Variants in CRYBA4 observed in about 807,000 individuals in gnomAD.
The protein encoded by CRYBA4 is beta-crystallin A4.
Under a neutral mutation model 31.7 loss-of-function variants are expected in CRYBA4, and 30 were observed. The observed-to-expected ratio is 0.95, with a 90% confidence interval of 0.71 to 1.28. CRYBA4 has a LOEUF of 1.28. CRYBA4 is among the 50% of genes most tolerant of loss of function. The pLI is 0.00. For synonymous variants in CRYBA4, 102 were observed against 102.3 expected (o/e 1.00, Z 0.02); for missense variants, 225 against 260.7 (o/e 0.86, Z 0.94).
the CRYBA4 span, among the ~76,000 whole-genome samples, chr22:26,614,077 AC>A: frequency 5.3e-5 from 8 of 152,130 alleles, no homozygotes; most frequent in Admixed American, 3.9e-4. Flanking sequence ...TGATCTCAAA[AC>A]CCTGTCTCCT....
At chr22:26,617,701 G>C (rs1465332227), upstream of CRYBA4, among the ~76,000 whole-genome samples, 1 of 151,034 alleles carries the variant, frequency 6.6e-6, no homozygotes, top group Non-Finnish European at 1.5e-5. Context: ...CTCCCTCTCT[G>C]TTCCTCTCTC....
chr22:26,618,756 C>T (rs1193975138), upstream of CRYBA4, among the ~76,000 whole-genome samples: 1 of 152,218 alleles, frequency 6.6e-6, no homozygotes, highest in East Asian at 1.9e-4. Context: ...GCCCCCTGGC[C>T]TGACTTCCTC....
In CRYBA4 at chr22:26,622,152, C is replaced by G. The variant is rs149927697; in HGVS notation, c.-13+166C>G. On this transcript the variant is annotated intron_variant, in intron 1 of 5. Coordinates refer to ENST00000354760, the MANE Select transcript of CRYBA4 (RefSeq NM_001886.3). Reference sequence around the variant, plus strand: ...AACCATCAAGACCAGCACCTGCTTCCCTCATTTAAAAACAAATTATTCCTG... The same window carrying G: ...AACCATCAAGACCAGCACCTGCTTCGCTCATTTAAAAACAAATTATTCCTG... Among the ~76,000 whole-genome samples, 1,505 of 152,178 alleles carry G rather than the reference C, an allele frequency of 9.9e-3. 35 individuals are homozygous for G. Among genetic ancestry groups the G allele is most frequent in the African/African-American group, 0.035 (1,446 of 41,510 alleles).
chr22:26,619,461 G>A (rs985998638), upstream of CRYBA4, among the ~76,000 whole-genome samples: 1 of 152,178 alleles, frequency 6.6e-6, no homozygotes, highest in Admixed American at 6.5e-5. Flanking sequence ...GGAGCCTGGG[G>A]AGCTGCTCAG....
At chr22:26,604,919 C>A in the CRYBA4 span, among the ~76,000 whole-genome samples, 1 of 152,154 alleles carries the variant, frequency 6.6e-6, no homozygotes, top group Non-Finnish European at 1.5e-5. Flanking sequence ...CCTATGAGAC[C>A]CTACAAGACC....
the CRYBA4 span, among the ~76,000 whole-genome samples, chr22:26,614,591 C>A: frequency 6.6e-6 from 1 of 152,124 alleles, no homozygotes; most frequent in South Asian, 2.1e-4. Context: ...GAATGAATGG[C>A]CGGCAGTCAT....
upstream of CRYBA4, among the ~76,000 whole-genome samples, chr22:26,618,341 G>C (rs941620484): frequency 1.3e-5 from 2 of 152,224 alleles, no homozygotes; most frequent in Non-Finnish European, 1.5e-5. Context: ...GAGACCCTGG[G>C]AGGCAGGAGA....
the CRYBA4 span, among the ~76,000 whole-genome samples, chr22:26,606,093 G>C: frequency 6.6e-6 from 1 of 152,168 alleles, no homozygotes; most frequent in Non-Finnish European, 1.5e-5. Context: ...AATTCTTCCA[G>C]CGTGGGCCAG....
At chr22:26,595,382 G>A in the CRYBA4 span, among the ~76,000 whole-genome samples, 72 of 152,094 alleles carry the variant, frequency 4.7e-4, no homozygotes, top group Non-Finnish European at 8.2e-4. Context: ...TTCGAGACCA[G>A]CCTGACCAAC....
At chr22:26,596,686 C>T in the CRYBA4 span, 1 of 152,182 alleles carries the variant, frequency 6.6e-6, no homozygotes, top group Non-Finnish European at 1.5e-5. Context: ...GCTCATATGA[C>T]TGTGAAGATG....
At chr22:26,611,454 G>GTTTTTGT in the CRYBA4 span, among the ~76,000 whole-genome samples, 1 of 142,696 alleles carries the variant, frequency 7.0e-6, no homozygotes, top group African/African-American at 2.6e-5. Flanking sequence ...GCTAGAGTTT[G>GTTTTTGT]TTTTTTTTTT....
At chr22:26,612,275 A>C in the CRYBA4 span, 2 of 855,644 alleles carry the variant, frequency 2.3e-6, no homozygotes, top group South Asian at 2.7e-5. Context: ...AAAAGCCAGC[A>C]GTGCAGGAGT....
chr22:26,591,096 G>A, the CRYBA4 span, among the ~76,000 whole-genome samples: 1 of 152,144 alleles, frequency 6.6e-6, no homozygotes, highest in African/African-American at 2.4e-5. Flanking sequence ...TTCTGGGTCA[G>A]GTGCATGGCT....
In CRYBA4 at chr22:26,630,642, A is replaced by T. The variant is rs148336091; in HGVS notation, c.*155A>T. The T allele has an allele frequency of 2.3e-4, 146 of 625,356 alleles. No individual in the cohort carries two copies. The African/African-American group carries it at 2.6e-3, about 11-fold the overall frequency. The allele number at this position is 625,356 out of a possible 1,614,324, so 38.7% of individuals were successfully genotyped here. A position where few individuals can be genotyped will look rare whatever the true frequency, so the allele number is the denominator to read the frequency against. On this transcript the variant is annotated 3_prime_UTR_variant, in exon 6 of 6. Transcript: ENST00000354760. ...CGTGCACAGTCAGCACAAAAAACTC[A>T]AACGAATAAAAAAGAGAAAGTCTGG...
intron 5 of CRYBA4, among the ~76,000 whole-genome samples, chr22:26,629,261 G>C (rs928597731): frequency 6.6e-6 from 1 of 151,964 alleles, no homozygotes; most frequent in Non-Finnish European, 1.5e-5. Context: ...AAAGATGGGA[G>C]GTAGGGTTTT....
At chr22:26,622,551 G>C in intron 1 of CRYBA4, 34 bp from the exon 2 acceptor site, 1 of 1,592,624 alleles carries the variant, frequency 6.3e-7, no homozygotes, top group South Asian at 1.1e-5. Flanking sequence ...CAGAGGGTCA[G>C]GGTGGAAGAT....
chr22:26,598,178 C>T, the CRYBA4 span, among the ~76,000 whole-genome samples: 3 of 152,084 alleles, frequency 2.0e-5, no homozygotes, highest in African/African-American at 7.2e-5. Flanking sequence ...CCACCGCACC[C>T]GGTCCTCTTT....
intron 4 of CRYBA4, among the ~76,000 whole-genome samples, chr22:26,627,903 C>T (rs971523223): frequency 1.3e-5 from 2 of 152,188 alleles, no homozygotes; most frequent in Admixed American, 6.5e-5. Context: ...CCTCCTCGGC[C>T]TCCCAAAATG....
At chr22:26,591,860 A>C in the CRYBA4 span, among the ~76,000 whole-genome samples, 2 of 144,060 alleles carry the variant, frequency 1.4e-5, no homozygotes, top group Non-Finnish European at 3.0e-5. Context: ...GTGAGTGTAG[A>C]TCGCACCACT....
Sources: allele counts gnomAD v4.1 joint callset (sites outside exome capture counted in the v4.1 genomes callset), GRCh38; gene constraint gnomAD v4.1.1; transcripts MANE v1.5; gene names NCBI Gene and HGNC (gene_info 2026-07-23, HGNC 2026-07-21).